The following FRMD7 variants were observed in gnomAD, a reference collection of about 807,000 sequenced individuals.
The protein encoded by FRMD7 is FERM domain containing 7.
Under a neutral mutation model 44.1 loss-of-function variants are expected in FRMD7, and 14 were observed. The observed-to-expected ratio is 0.32, with a 90% CI of 0.21 to 0.50. The LOEUF is 0.50. Ranked by LOEUF, FRMD7 falls within the 20% of genes least tolerant of loss-of-function variation. FRMD7 has a pLI of 0.99. For synonymous variants in FRMD7, 212 were observed against 187.4 expected, an observed-to-expected ratio of 1.13 and a Z score of -1.07; for missense variants, 501 against 522.3, an observed-to-expected ratio of 0.96 and a Z score of 0.40.
intron 3 of FRMD7, among the ~76,000 whole-genome samples, chrX:132,098,264 T>A (rs1928401161): frequency 2.7e-5 from 3 of 112,534 alleles, no homozygotes; most frequent in African/African-American, 9.7e-5. Context: ...GCATTCTGTA[T>A]TTTATCTGCT....
chrX:132,100,285 C>T (rs1928461434), intron 2 of FRMD7, among the ~76,000 whole-genome samples: 1 of 111,432 alleles, frequency 9.0e-6, no homozygotes, highest in African/African-American at 3.3e-5. Flanking sequence ...GCACACACCA[C>T]CACACCCAGC....
intron 5 of FRMD7, among the ~76,000 whole-genome samples, chrX:132,093,356 TC>T (rs1237242562): frequency 3.6e-5 from 4 of 112,372 alleles, no homozygotes; most frequent in African/African-American, 1.3e-4. Context: ...GGAGAAAATG[TC>T]CAGCTGGCTT....
intron 1 of FRMD7, among the ~76,000 whole-genome samples, chrX:132,119,865 G>T (rs1265025853): frequency 9.0e-6 from 1 of 111,160 alleles, no homozygotes; most frequent in Non-Finnish European, 1.9e-5. Flanking sequence ...CTACCTCCTG[G>T]GGTGTAAATG....
At chrX:132,089,750 C>A (rs1928109115) in intron 5 of FRMD7, among the ~76,000 whole-genome samples, 1 of 111,886 alleles carries the variant, frequency 8.9e-6, no homozygotes, top group Middle Eastern at 4.2e-3. Flanking sequence ...CATCGTTAGT[C>A]ATTAGGAAAA....
In FRMD7 at chrX:132,078,702, C is replaced by T. The variant is rs1253643107; in HGVS notation, c.1315G>A (p.Glu439Lys). Residue 439 changes from glutamate (E) to lysine (K), a missense_variant, in exon 12 of 12, where the codon GAG becomes AAG. Glu to Lys is a moderately conservative substitution (Grantham distance 56). Transcript: ENST00000298542. ...TGGAAGGAGCTTAGAGAACTCCTCT[C>T]TGAAAAAATGTCTCTGGGATCAGGG... ...PNPDPRDIFS[E>K]RSSLSSFQTS... The T allele has an allele frequency of 9.1e-6, 11 of 1,211,187 alleles. No individual in the cohort carries two copies. The highest frequency in any genetic ancestry group is 1.2e-5 in the Non-Finnish European group (11 of 895,098).
At chrX:132,112,224 C>G (rs1928794676) in intron 1 of FRMD7, among the ~76,000 whole-genome samples, 1 of 111,853 alleles carries the variant, frequency 8.9e-6, no homozygotes, top group African/African-American at 3.3e-5. Flanking sequence ...AACTGTAACC[C>G]TTCCTGGGGT....
In FRMD7 at chrX:132,077,207, T is replaced by A. The variant is rs3764771; in HGVS notation, c.*665A>T. 0.32 allele frequency: 35,330 copies of A among 110,309 alleles called. 4,593 individuals are homozygous for A. The highest frequency in any genetic ancestry group is 0.44 in the African/African-American group (13,391 of 30,209). The allele number at this position is 110,309 out of a possible 1,213,427, so 9.1% of individuals were successfully genotyped here. On this transcript the variant is annotated 3_prime_UTR_variant, in exon 12 of 12. Transcript: ENST00000298542. ...AGTAAAACAACATGATACTTTCATCTGGTTTATGTCTGGCTCTAGAAATTG... is the reference window on the plus strand; with the variant it reads ...AGTAAAACAACATGATACTTTCATCAGGTTTATGTCTGGCTCTAGAAATTG...
chrX:132,082,415 T>G lies in FRMD7; in HGVS notation c.853A>C (p.Lys285Gln), dbSNP rs1927848424. ...CAGAGTAGGGTTTTGGGCTTTGATT[T>G]GGGCTCTTCCGAAAGCCTGAAGAAA... Reference protein sequence around the residue: ...HAFFRLSEEPKSKPKTLLCSK... With the variant: ...HAFFRLSEEPQSKPKTLLCSK... The change falls in exon 9 of 12, where the codon AAA becomes CAA. Residue 285 changes from lysine (K) to glutamine (Q), a missense_variant. Lys to Gln is a moderately conservative substitution (Grantham distance 53, BLOSUM62 1). Transcript: ENST00000298542. 1 of 1,209,066 alleles carries G rather than the reference T, an allele frequency of 8.3e-7. No homozygotes were observed. The highest frequency in any genetic ancestry group is 2.2e-5 in the Admixed American group (1 of 45,828).
intron 1 of FRMD7, among the ~76,000 whole-genome samples, chrX:132,117,076 G>A (rs780299477): frequency 6.3e-5 from 7 of 111,998 alleles, no homozygotes; most frequent in Admixed American, 1.9e-4. Context: ...CTTCATTGAG[G>A]ATTTCAATGA....
chrX:132,084,246 C>T (rs532987691), intron 8 of FRMD7, among the ~76,000 whole-genome samples: 3 of 112,020 alleles, frequency 2.7e-5, no homozygotes, highest in Admixed American at 1.9e-4. Flanking sequence ...ACTTGCCTTT[C>T]AGCCGAGCTG....
intron 1 of FRMD7, among the ~76,000 whole-genome samples, chrX:132,115,604 T>C (rs892745657): frequency 1.1e-4 from 12 of 112,049 alleles, no homozygotes; most frequent in African/African-American, 2.9e-4. Flanking sequence ...CTAACCTTTG[T>C]GTCTTAAAAT....
Position 132,077,591 on chromosome X carries a change from C to G in FRMD7, c.*281G>C. ...AGCCTGACCTTCACTCACAATGTCT[C>G]TATGAGGAAGTATGCAGTGGAGATG... On this transcript the variant is annotated 3_prime_UTR_variant, in exon 12 of 12. Transcript: ENST00000298542. 1 of 348,037 alleles carries G rather than the reference C, an allele frequency of 2.9e-6. No individual in the cohort carries two copies. The highest frequency in any genetic ancestry group is 4.7e-5 in the Admixed American group (1 of 21,254). The allele number at this position is 348,037 out of a possible 1,213,427, so 28.7% of individuals were successfully genotyped here. A position where few individuals can be genotyped will look rare whatever the true frequency, so the allele number is the denominator to read the frequency against.
Position 132,078,126 on chromosome X carries a change from CCTG to C in FRMD7, c.1888_1890del (p.Gln630del). 2 of 1,211,208 alleles carry C rather than the reference CCTG, an allele frequency of 1.7e-6. No homozygotes were observed. Among genetic ancestry groups the C allele is most frequent in the Non-Finnish European group, 2.2e-6 (2 of 894,862 alleles). On this transcript the variant is annotated inframe_deletion, in exon 12 of 12. Transcript: ENST00000298542. ...TGATCCATTAGAACTGCTGGCAACTCCTGCTCTGCAAACATATCCGTAAACAGG... is the reference window on the plus strand; with the variant it reads ...TGATCCATTAGAACTGCTGGCAACTCCTCTGCAAACATATCCGTAAACAGG...
rs73568079 is a variant in FRMD7 at position 132,081,364 on chromosome X, C to A, written c.905+999G>T. ...AACAAAACAAAACAAACAACAACAA[C>A]AAAAAAAAACACAAGAATAATAAAG... On this transcript the variant is annotated intron_variant, in intron 9 of 11. Coordinates refer to ENST00000298542, the MANE Select transcript of FRMD7 (RefSeq NM_194277.3). Among the ~76,000 whole-genome samples the A allele has an allele frequency of 1.5e-3, 158 of 108,664 alleles. 1 individual carries two copies. The highest frequency in any genetic ancestry group is 3.3e-3 in the Admixed American group (34 of 10,281). 94.4% of individuals were successfully genotyped at this position (108,664 alleles called of 115,157 possible). A position where few individuals can be genotyped will look rare whatever the true frequency, so the allele number is the denominator to read the frequency against.
At chrX:132,106,552 C>T (rs1395805178) in intron 1 of FRMD7, among the ~76,000 whole-genome samples, 1 of 111,549 alleles carries the variant, frequency 9.0e-6, no homozygotes, top group Non-Finnish European at 1.9e-5. Context: ...AATTATTCTA[C>T]CATAAAGACA....
chrX:132,077,221 C>T lies in FRMD7; in HGVS notation c.*651G>A, dbSNP rs1246916117. 1 of 111,346 alleles carries T rather than the reference C, an allele frequency of 9.0e-6. No homozygotes were observed. The highest frequency in any genetic ancestry group is 2.8e-4 in the East Asian group (1 of 3,559). The allele number at this position is 111,346 out of a possible 1,213,427, so 9.2% of individuals were successfully genotyped here. On this transcript the variant is annotated 3_prime_UTR_variant, in exon 12 of 12. Transcript: ENST00000298542. ...ATACTTTCATCTGGTTTATGTCTGG[C>T]TCTAGAAATTGATTTAATTCATGAA...
In FRMD7 at chrX:132,099,485, A is replaced by G. The variant is rs1187849137; in HGVS notation, c.188T>C (p.Ile63Thr). ...ATACTTACTTTTTACCTGCTTTGTTATGGGCTTCAAAAGCTCCAGCCAAAC... is the reference window on the plus strand; with the variant it reads ...ATACTTACTTTTTACCTGCTTTGTTGTGGGCTTCAAAAGCTCCAGCCAAAC... ...NNVWLELLKP[I>T]TKQVKNPKEI... The change falls in exon 3 of 12, where the codon ATA becomes ACA. Residue 63 changes from isoleucine (I) to threonine (T), a missense_variant. Transcript: ENST00000298542. 4 of 1,200,359 alleles carry G rather than the reference A, an allele frequency of 3.3e-6. No homozygotes were observed. The Admixed American group carries it at 6.6e-5, about 20-fold the overall frequency.
At chrX:132,090,583 G>A (rs141625498) in intron 5 of FRMD7, among the ~76,000 whole-genome samples, 1,176 of 111,334 alleles carry the variant, frequency 0.011, 7 homozygotes, top group Non-Finnish European at 0.017. Context: ...TGCAAGTAGG[G>A]ATGAGAGATG....
intron 1 of FRMD7, among the ~76,000 whole-genome samples, chrX:132,104,330 T>C (rs1419717074): frequency 2.7e-5 from 3 of 111,655 alleles, no homozygotes; most frequent in Non-Finnish European, 5.6e-5. Context: ...GCAAGGATGG[T>C]AGAAACTTTC....
Sources: gnomAD v4.1 joint callset for allele counts (sites outside exome capture counted in the v4.1 genomes callset) on GRCh38, gnomAD v4.1.1 for gene constraint, MANE v1.5 for transcripts, NCBI Gene and HGNC (gene_info 2026-07-23, HGNC 2026-07-21) for gene names.